Variants in EPHA6 observed in about 807,000 individuals in gnomAD.
The protein encoded by EPHA6 is ephrin type-A receptor 6.
Under a neutral mutation model 112.0 loss-of-function variants are expected in EPHA6, and 50 were observed. The ratio of observed to expected loss-of-function variants is 0.45; its 90% CI spans 0.36 to 0.56. The LOEUF (loss-of-function observed/expected upper bound fraction) is 0.56, where lower values mean the gene tolerates loss of function less well. Ranked by LOEUF, EPHA6 falls within the 20% of genes least tolerant of loss-of-function variation. The pLI, the probability that EPHA6 is intolerant of heterozygous loss-of-function variation, is 0.00. For missense variants in EPHA6, 1,280 were observed against 1,417.4 expected (o/e 0.90, Z 1.56); for synonymous variants, 529 against 490.7 (o/e 1.08, Z -1.03).
At chr3:97,063,726 AAGGAC>A (rs1172851365) in intron 3 of EPHA6, among the ~76,000 whole-genome samples, 1 of 152,186 alleles carries the variant, frequency 6.6e-6, no homozygotes, top group African/African-American at 2.4e-5. Flanking sequence ...ATATAAAAGA[AAGGAC>A]AGGAGAAGCA....
intron 3 of EPHA6, among the ~76,000 whole-genome samples, chr3:97,174,282 C>T (rs2076775843): frequency 6.6e-6 from 1 of 151,780 alleles, no homozygotes; most frequent in Non-Finnish European, 1.5e-5. Context: ...ACTACATTTT[C>T]TTTATCCATT....
intron 11 of EPHA6, among the ~76,000 whole-genome samples, chr3:97,556,532 G>A (rs1307250893): frequency 1.3e-5 from 2 of 151,962 alleles, no homozygotes; most frequent in Non-Finnish European, 2.9e-5. Flanking sequence ...AAAACCATCA[G>A]ATCTTTTAAG....
chr3:97,440,544 G>T (rs948946440), intron 6 of EPHA6, among the ~76,000 whole-genome samples: 3 of 150,372 alleles, frequency 2.0e-5, no homozygotes, highest in Admixed American at 6.6e-5. Context: ...AACAAAATCA[G>T]AGAAATTAAA....
chr3:97,420,845 A>C (rs1375613697), intron 6 of EPHA6, among the ~76,000 whole-genome samples: 1 of 135,892 alleles, frequency 7.4e-6, no homozygotes, highest in Non-Finnish European at 1.5e-5. Flanking sequence ...AGACAAACAG[A>C]CAAAAAAAAA....
chr3:97,456,975 C>G (rs2090712156), intron 7 of EPHA6, among the ~76,000 whole-genome samples: 2 of 152,116 alleles, frequency 1.3e-5, no homozygotes, highest in African/African-American at 4.8e-5. Flanking sequence ...CACAAATCAG[C>G]TTTATTGACT....
chr3:97,070,459 A>G (rs909891231), intron 3 of EPHA6, among the ~76,000 whole-genome samples: 1 of 152,122 alleles, frequency 6.6e-6, no homozygotes, highest in Admixed American at 6.6e-5. Context: ...TACTAATAGC[A>G]CTCACATTCT....
At chr3:97,241,395 C>T (rs1448561849) in intron 4 of EPHA6, among the ~76,000 whole-genome samples, 1 of 151,716 alleles carries the variant, frequency 6.6e-6, no homozygotes, top group Admixed American at 6.6e-5. Flanking sequence ...ACAAAATCAA[C>T]ATAAGGAAAT....
At chr3:97,559,713 C>T in intron 11 of EPHA6, 1 of 430,826 alleles carries the variant, frequency 2.3e-6, no homozygotes, top group South Asian at 1.7e-5. Flanking sequence ...AAGAGTGAAG[C>T]TTCCTTATTT....
intron 3 of EPHA6, among the ~76,000 whole-genome samples, chr3:97,029,373 A>G (rs1257205803): frequency 6.6e-6 from 1 of 151,846 alleles, no homozygotes; most frequent in African/African-American, 2.4e-5. Flanking sequence ...TTTAATAAAG[A>G]CCATTTTTAA....
chr3:97,396,890 C>G (rs1252227457), intron 5 of EPHA6, among the ~76,000 whole-genome samples: 1 of 151,576 alleles, frequency 6.6e-6, no homozygotes, highest in East Asian at 1.9e-4. Context: ...GAAAATAATA[C>G]TCATCTAATT....
chr3:96,881,354 A>G (rs1421922601), intron 2 of EPHA6, among the ~76,000 whole-genome samples: 1 of 152,176 alleles, frequency 6.6e-6, no homozygotes, highest in African/African-American at 2.4e-5. Flanking sequence ...ATGGTGGAAG[A>G]TGAAAGGCTC....
At chr3:97,565,264 G>GA (rs543149359) in intron 11 of EPHA6, among the ~76,000 whole-genome samples, 118 of 142,958 alleles carry the variant, frequency 8.3e-4, no homozygotes, top group African/African-American at 1.5e-3. Context: ...TTAGCCCCAA[G>GA]AAAAAAAAAA....
chr3:96,990,585 C>A (rs550712415), intron 3 of EPHA6, among the ~76,000 whole-genome samples: 6 of 151,992 alleles, frequency 3.9e-5, no homozygotes, highest in Non-Finnish European at 8.8e-5. Flanking sequence ...TAACAACAAG[C>A]AAACATGCCT....
chr3:97,192,630 A>G (rs2077337467), intron 3 of EPHA6, among the ~76,000 whole-genome samples: 1 of 151,870 alleles, frequency 6.6e-6, no homozygotes. Flanking sequence ...TTTTAACTTG[A>G]TGTGATTTCA....
intron 3 of EPHA6, among the ~76,000 whole-genome samples, chr3:97,123,705 G>A (rs1310511421): frequency 4.6e-5 from 7 of 152,122 alleles, no homozygotes; most frequent in Non-Finnish European, 8.8e-5. Flanking sequence ...CAATCGTACT[G>A]AAATCAGTTT....
At chr3:97,342,775 C>A (rs1194173016) in intron 5 of EPHA6, among the ~76,000 whole-genome samples, 2 of 152,106 alleles carry the variant, frequency 1.3e-5, no homozygotes, top group East Asian at 1.9e-4. Flanking sequence ...CAGTTGCCTG[C>A]AAACCAGAAA....
intron 2 of EPHA6, among the ~76,000 whole-genome samples, chr3:96,912,738 C>T (rs1468675756): frequency 2.0e-5 from 3 of 151,966 alleles, no homozygotes; most frequent in East Asian, 3.9e-4. Context: ...CAGGTGTGTG[C>T]CACCATGCCC....
At chr3:97,164,415 T>A (rs1234044899) in intron 3 of EPHA6, among the ~76,000 whole-genome samples, 1 of 152,126 alleles carries the variant, frequency 6.6e-6, no homozygotes, top group Admixed American at 6.5e-5. Flanking sequence ...ATATCTCATT[T>A]TATTTCTTAC....
intron 3 of EPHA6, among the ~76,000 whole-genome samples, chr3:97,113,084 C>A (rs72922303): frequency 0.028 from 4,249 of 152,182 alleles, 192 homozygotes; most frequent in African/African-American, 0.093. Flanking sequence ...GCCCTCAACT[C>A]AACTGCTTCA....
Sources: allele counts gnomAD v4.1 joint callset (sites outside exome capture counted in the v4.1 genomes callset), GRCh38; gene constraint gnomAD v4.1.1; transcripts MANE v1.5; gene names NCBI Gene and HGNC (gene_info 2026-07-23, HGNC 2026-07-21).